The following ZNF805 variants were observed in gnomAD, a reference collection of about 807,000 sequenced individuals.
The protein encoded by ZNF805 is zinc finger protein 805.
A neutral mutation model predicts 13.6 loss-of-function variants in ZNF805; 7 were observed. The ratio of observed to expected loss-of-function variants is 0.51; its 90% confidence interval spans 0.29 to 0.97. ZNF805 has a LOEUF of 0.97. ZNF805 is among the 50% of genes least tolerant of loss of function. ZNF805 has a pLI of 0.08. For synonymous variants in ZNF805, 293 were observed against 279.8 expected, an observed-to-expected ratio of 1.05 and a Z score of -0.47; for missense variants, 604 against 771.0, an observed-to-expected ratio of 0.78 and a Z score of 2.57.
intron 2 of ZNF805, among the ~76,000 whole-genome samples, chr19:57,248,209 TAAAAA>T (rs796135894): frequency 1.5e-5 from 2 of 137,798 alleles, no homozygotes; most frequent in East Asian, 2.1e-4. Flanking sequence ...CTTAGGATGT[TAAAAA>T]AAAAAAAAAA....
At chr19:57,249,101 A>G (rs1429378645) in intron 3 of ZNF805, among the ~76,000 whole-genome samples, 1 of 152,228 alleles carries the variant, frequency 6.6e-6, no homozygotes, top group African/African-American at 2.4e-5. Context: ...GTGGGTCAGC[A>G]GGGAACTCTG....
At chr19:57,246,850 TC>T (rs1238321365) in intron 2 of ZNF805, among the ~76,000 whole-genome samples, 1 of 152,070 alleles carries the variant, frequency 6.6e-6, no homozygotes, top group Non-Finnish European at 1.5e-5. Context: ...TCAGGCCTGT[TC>T]CAGGCAGTGT....
At position 57,245,765 on chromosome 19, in the gene ZNF805, C is replaced by G. The variant is rs193294495; in HGVS notation, c.157+1716C>G. Among the ~76,000 whole-genome samples, 8 of 150,036 alleles carry G rather than the reference C, an allele frequency of 5.3e-5. No individual in the cohort carries two copies. The South Asian group carries it at 1.7e-3, about 32-fold the overall frequency. Reference sequence around the variant, plus strand: ...CTGCACTCCAGCCTGGGCGACAGAGCGAGACTCCATCTCAAAAAAAAAAAA... The same window carrying G: ...CTGCACTCCAGCCTGGGCGACAGAGGGAGACTCCATCTCAAAAAAAAAAAA... On this transcript the variant is annotated intron_variant, in intron 2 of 3. Coordinates refer to ENST00000414468, the MANE Select transcript of ZNF805 (RefSeq NM_001023563.4).
In ZNF805 at chr19:57,253,283, G is replaced by A; in HGVS notation, c.464G>A (p.Ser155Asn). Residue 155 changes from serine (S) to asparagine (N), a missense_variant, in exon 4 of 4, where the codon AGC (serine) becomes AAC (asparagine). This residue lies in a region of ZNF805 where 327 missense variants were observed against 378.2 expected (regional missense o/e 0.86). Coordinates refer to ENST00000414468, the MANE Select transcript of ZNF805 (RefSeq NM_001023563.4). The surrounding 1 kb of genome is among the most constrained non-coding windows in gnomAD (Gnocchi z 4.4). ...AAGGAGAAGCTTCCTGGAAAAATGA[G>A]CCCCAAACATGATGGTTTAGGGACA... ...SQKEKLPGKMSPKHDGLGTAD... is the reference protein window; with the variant it reads ...SQKEKLPGKMNPKHDGLGTAD... 1.9e-6 allele frequency: 3 copies of A among 1,566,472 alleles called. No individual in the cohort carries two copies. Among genetic ancestry groups the A allele is most frequent in the Non-Finnish European group, 1.7e-6 (2 of 1,155,112 alleles).
At position 57,259,554 on chromosome 19, in the gene ZNF805, T is replaced by G. The variant is rs1481669069; in HGVS notation, c.*4851T>G. Among the ~76,000 whole-genome samples, 3 of 152,224 alleles carry G rather than the reference T, an allele frequency of 2.0e-5. No individual in the cohort carries two copies. The highest frequency in any genetic ancestry group is 4.4e-5 in the Non-Finnish European group (3 of 68,042). On this transcript the variant is annotated 3_prime_UTR_variant, in exon 4 of 4. Coordinates refer to ENST00000414468, the MANE Select transcript of ZNF805 (RefSeq NM_001023563.4). ...AGACTCTTTGCTCTGTTGCCCAGGC[T>G]GGAGTGCAGTGGCGCGATCTCTGCT...
rs558421924 is a variant in ZNF805 at position 57,245,579 on chromosome 19, A to C, written c.157+1530A>C. ...CGGATCACAAGGTCAGGAGATAGAG[A>C]CCATCCTGGCTAACACGGTGCAACC... On this transcript the variant is annotated intron_variant, in intron 2 of 3. Coordinates refer to ENST00000414468, the MANE Select transcript of ZNF805 (RefSeq NM_001023563.4). Among the ~76,000 whole-genome samples the C allele has an allele frequency of 2.1e-4, 32 of 149,640 alleles. No individual in the cohort carries two copies. The East Asian group carries it at 6.5e-3, about 30-fold the overall frequency.
In ZNF805 at chr19:57,257,698, CTTTTTTTTTTTTTTT is replaced by C. The variant is rs869290620; in HGVS notation, c.*3006_*3020del. Reference sequence around the variant, plus strand: ...GTGGTTTTATATCCAGTTTGCGTATCTTTTTTTTTTTTTTTTTTTTTTTTTGAGACGGAGTTTTGT... The same window carrying C: ...GTGGTTTTATATCCAGTTTGCGTATCTTTTTTTTTTGAGACGGAGTTTTGT... On this transcript the variant is annotated 3_prime_UTR_variant, in exon 4 of 4. Coordinates refer to ENST00000414468, the MANE Select transcript of ZNF805 (RefSeq NM_001023563.4). Among the ~76,000 whole-genome samples, 6 of 35,092 alleles carry C rather than the reference CTTTTTTTTTTTTTTT, an allele frequency of 1.7e-4. No homozygotes were observed. Among genetic ancestry groups the C allele is most frequent in the Admixed American group, 4.5e-4 (1 of 2,234 alleles). The allele number at this position is 35,092 out of a possible 152,430, so 23.0% of individuals were successfully genotyped here.
Position 57,245,697 on chromosome 19 carries a change from T to A in ZNF805, c.157+1648T>A, listed in dbSNP as rs572874037. 2.7e-5 allele frequency among the ~76,000 whole-genome samples: 4 copies of A among 150,830 alleles called. No individual in the cohort carries two copies. In the East Asian group the frequency reaches 7.8e-4, roughly 30 times the overall value. ...GGGAGGCTGAGGCAGGAGAATGGCG[T>A]GAACCCAGGAGGCGGAGCTTGCAGT... On this transcript the variant is annotated intron_variant, in intron 2 of 3. Transcript: ENST00000414468.
At chr19:57,251,126 G>A (rs933882538) in intron 3 of ZNF805, among the ~76,000 whole-genome samples, 1 of 152,122 alleles carries the variant, frequency 6.6e-6, no homozygotes, top group Non-Finnish European at 1.5e-5. Context: ...CATGTGTAGG[G>A]ACACATTTTT....
rs1485981498 is a variant in ZNF805 at position 57,254,823 on chromosome 19, G to A, written c.*120G>A. 9.5e-6 allele frequency: 10 copies of A among 1,052,602 alleles called. No homozygotes were observed. Among genetic ancestry groups the A allele is most frequent in the African/African-American group, 3.2e-5 (2 of 61,846 alleles). The allele number at this position is 1,052,602 out of a possible 1,614,324, so 65.2% of individuals were successfully genotyped here. A position where few individuals can be genotyped will look rare whatever the true frequency, so the allele number is the denominator to read the frequency against. Reference sequence around the variant, plus strand: ...TGGAAAAACACCCAGTGGTTATTACGCACTTGGGAAAACCTTTAGCTCCAT... The same window carrying A: ...TGGAAAAACACCCAGTGGTTATTACACACTTGGGAAAACCTTTAGCTCCAT... On this transcript the variant is annotated 3_prime_UTR_variant, in exon 4 of 4. Transcript: ENST00000414468.
rs1254038565 is a variant in ZNF805 at position 57,262,716 on chromosome 19, T to G, written c.*8013T>G. On this transcript the variant is annotated 3_prime_UTR_variant, in exon 4 of 4. Coordinates refer to ENST00000414468, the MANE Select transcript of ZNF805 (RefSeq NM_001023563.4). ...GATAATTTGAGATTAAAGAATATGT[T>G]GTTGCAGGCTTAGTCACTTTGATGG... is the stretch of plus-strand genomic sequence containing the variant. 1.2e-5 allele frequency: 2 copies of G among 167,144 alleles called. No individual in the cohort carries two copies. Among genetic ancestry groups the G allele is most frequent in the African/African-American group, 2.4e-5 (1 of 41,446 alleles). 10.4% of individuals were successfully genotyped at this position (167,144 alleles called of 1,614,324 possible).
chr19:57,259,262 CCTCT>C lies in ZNF805; in HGVS notation c.*4562_*4565del, dbSNP rs2087708877. The stretch of plus-strand genomic sequence containing the variant: ...ATATTTTTTCATCCCTACTCTTTCT[CCTCT>C]CTGTGATATGAATGGTAGAGCTTTT... On this transcript the variant is annotated 3_prime_UTR_variant, in exon 4 of 4. Coordinates refer to ENST00000414468, the MANE Select transcript of ZNF805 (RefSeq NM_001023563.4). Among the ~76,000 whole-genome samples, 1 of 152,024 alleles carries C rather than the reference CCTCT, an allele frequency of 6.6e-6. No homozygotes were observed. Among genetic ancestry groups the C allele is most frequent in the Non-Finnish European group, 1.5e-5 (1 of 68,014 alleles).
chr19:57,245,576 G>T (rs534957118), intron 2 of ZNF805, among the ~76,000 whole-genome samples: 1 of 149,308 alleles, frequency 6.7e-6, no homozygotes, highest in African/African-American at 2.5e-5. Context: ...TCAGGAGATA[G>T]AGACCATCCT....
intron 3 of ZNF805, 73 bp downstream of exon 3, chr19:57,248,773 T>A: frequency 7.4e-7 from 1 of 1,345,418 alleles, no homozygotes; most frequent in Non-Finnish European, 1.0e-6. Context: ...GGCCCTGGGA[T>A]CTCTTGGGAA....
chr19:57,261,342 A>T lies in ZNF805; in HGVS notation c.*6639A>T, dbSNP rs930742127. On this transcript the variant is annotated 3_prime_UTR_variant, in exon 4 of 4. Transcript: ENST00000414468. ...ATATGTGGGAGGGGTGGGGAGAAGG[A>T]GTAGAGAAGGGCTAAGGCATGCATG... 1.8e-5 allele frequency: 3 copies of T among 167,048 alleles called. No homozygotes were observed. In the East Asian group the frequency reaches 5.8e-4, roughly 32 times the overall value. 10.3% of individuals were successfully genotyped at this position (167,048 alleles called of 1,614,324 possible).
intron 3 of ZNF805, among the ~76,000 whole-genome samples, chr19:57,249,472 G>GC (rs1352023414): frequency 4.0e-4 from 61 of 152,326 alleles, no homozygotes; most frequent in African/African-American, 1.4e-3. Flanking sequence ...GTAATCATGT[G>GC]ATACATTAAT....
chr19:57,250,824 C>A (rs1419300991), intron 3 of ZNF805, among the ~76,000 whole-genome samples: 1 of 152,192 alleles, frequency 6.6e-6, no homozygotes. Flanking sequence ...TCTCTTTTCC[C>A]CTGGTGGAAG....
At position 57,257,648 on chromosome 19, in the gene ZNF805, C is replaced by A. The variant is rs892758694; in HGVS notation, c.*2945C>A. Among the ~76,000 whole-genome samples the A allele has an allele frequency of 7.3e-6, 1 of 136,122 alleles. No individual in the cohort carries two copies. The highest frequency in any genetic ancestry group is 2.2e-4 in the East Asian group (1 of 4,482). 89.3% of individuals were successfully genotyped at this position (136,122 alleles called of 152,430 possible). A position where few individuals can be genotyped will look rare whatever the true frequency, so the allele number is the denominator to read the frequency against. ...ATATCACTATATTGGGAGTAAGTTT[C>A]TTGTGAATGGCGTATATTTGGGCTG... On this transcript the variant is annotated 3_prime_UTR_variant, in exon 4 of 4. Coordinates refer to ENST00000414468, the MANE Select transcript of ZNF805 (RefSeq NM_001023563.4).
chr19:57,254,784 A>C lies in ZNF805; in HGVS notation c.*81A>C. 2 of 1,390,414 alleles carry C rather than the reference A, an allele frequency of 1.4e-6. No homozygotes were observed. Among genetic ancestry groups the C allele is most frequent in the Non-Finnish European group, 1.9e-6 (2 of 1,032,004 alleles). 86.1% of individuals were successfully genotyped at this position (1,390,414 alleles called of 1,614,324 possible). A position where few individuals can be genotyped will look rare whatever the true frequency, so the allele number is the denominator to read the frequency against. ...CACGCAGCTTAGAGCCTTATTCTCC[A>C]TCCGAATTCATCCTGGAAAAACACC... On this transcript the variant is annotated 3_prime_UTR_variant, in exon 4 of 4. Coordinates refer to ENST00000414468, the MANE Select transcript of ZNF805 (RefSeq NM_001023563.4).
Sources: gnomAD v4.1 joint callset for allele counts (sites outside exome capture counted in the v4.1 genomes callset) on GRCh38, gnomAD v4.1.1 for gene constraint, gnomAD v4.1.1 regional missense constraint, Gnocchi (gnomAD v3.1) non-coding constraint, MANE v1.5 for transcripts, NCBI Gene and HGNC (gene_info 2026-07-23, HGNC 2026-07-21) for gene names.